The following GABRG3 variants were observed in gnomAD, a reference collection of about 807,000 sequenced individuals.
GABRG3 encodes the protein gamma-aminobutyric acid receptor subunit gamma-3.
GABRG3 carries 25 observed loss-of-function variants against 48.8 expected under a neutral mutation model. The ratio of observed to expected loss-of-function variants is 0.51; its 90% confidence interval spans 0.37 to 0.72. The LOEUF is 0.72. Ranked by LOEUF, GABRG3 falls within the 30% of genes least tolerant of loss-of-function variation. GABRG3 has a pLI of 0.00. For missense variants in GABRG3, 394 were observed against 577.9 expected, an observed-to-expected ratio of 0.68 and a Z score of 3.26; for synonymous variants, 227 against 217.6, an observed-to-expected ratio of 1.04 and a Z score of -0.38.
rs1253421081 is a variant in GABRG3 at position 26,976,774 on chromosome 15, T to C, written c.54-228T>C. 6.6e-6 allele frequency among the ~76,000 whole-genome samples: 1 copy of C among 152,172 alleles called. No individual in the cohort carries two copies. The highest frequency in any genetic ancestry group is 1.5e-5 in the Non-Finnish European group (1 of 68,020). ...GGGATGGGGGATGGTCTTCTGGCAT[T>C]TAATAAAAACATACCATGTTAATAG... On this transcript the variant is annotated intron_variant, in intron 1 of 9. Coordinates refer to ENST00000615808, the MANE Select transcript of GABRG3 (RefSeq NM_033223.5). This position sits in a 1 kb window ranked among gnomAD's most constrained non-coding sequence, Gnocchi z 7.8.
In GABRG3 at chr15:27,250,669, C is replaced by T. The variant is rs776563542; in HGVS notation, c.271-76140C>T. ...CCCGAACTCCTGACCTCAAGTGATC[C>T]GCCCACCTTGGCCTCCCAAAGTGCT... On this transcript the variant is annotated intron_variant, in intron 3 of 9. Transcript: ENST00000615808. 6.6e-5 allele frequency among the ~76,000 whole-genome samples: 10 copies of T among 152,306 alleles called. No homozygotes were observed. The East Asian group carries it at 9.7e-4, about 15-fold the overall frequency.
intron 9 of GABRG3, 31 bp from the exon 10 acceptor site, chr15:27,532,569 A>G (rs760997927): frequency 1.2e-6 from 2 of 1,605,178 alleles, no homozygotes; most frequent in South Asian, 2.2e-5. Flanking sequence ...GCATTTTACA[A>G]TGGTTGTTGT....
intron 6 of GABRG3, among the ~76,000 whole-genome samples, chr15:27,509,103 G>T (rs544466208): frequency 2.6e-5 from 4 of 152,090 alleles, no homozygotes; most frequent in African/African-American, 7.2e-5. Flanking sequence ...TTCACTGTGG[G>T]TTTACTTTTT....
At chr15:27,407,169 A>T (rs192428339) in intron 5 of GABRG3, among the ~76,000 whole-genome samples, 171 of 152,164 alleles carry the variant, frequency 1.1e-3, no homozygotes, top group African/African-American at 3.9e-3. Context: ...CAAGTGATCC[A>T]CCCAACTTGG....
At chr15:27,375,516 C>T (rs1895566030) in intron 5 of GABRG3, among the ~76,000 whole-genome samples, 1 of 152,148 alleles carries the variant, frequency 6.6e-6, no homozygotes, top group Non-Finnish European at 1.5e-5. Flanking sequence ...TTTTATGCTG[C>T]TGATAAAGAC....
At chr15:27,325,865 AATCAAAAAATTC>A (rs1893595650) in intron 3 of GABRG3, among the ~76,000 whole-genome samples, 2 of 152,218 alleles carry the variant, frequency 1.3e-5, no homozygotes, top group Non-Finnish European at 2.9e-5. Context: ...ATTTGTTGAG[AATCAAAAAATTC>A]AGACTCTGCA....
intron 5 of GABRG3, among the ~76,000 whole-genome samples, chr15:27,411,213 A>G (rs1259683542): frequency 2.0e-5 from 3 of 152,082 alleles, no homozygotes; most frequent in Non-Finnish European, 4.4e-5. Context: ...GTAGTTTTGG[A>G]CAAACACTCT....
intron 3 of GABRG3, among the ~76,000 whole-genome samples, chr15:27,144,618 A>AAAAGATGG (rs1595549555): frequency 6.6e-6 from 1 of 152,212 alleles, no homozygotes; most frequent in African/African-American, 2.4e-5. Context: ...GAGGCCTTTG[A>AAAAGATGG]AAAGATGGAA....
At chr15:27,403,914 C>CAAA (rs528760544) in intron 5 of GABRG3, among the ~76,000 whole-genome samples, 1 of 68,562 alleles carries the variant, frequency 1.5e-5, no homozygotes, top group East Asian at 3.0e-4. Context: ...CAAAAAAAAA[C>CAAA]AAAAAAAAAA....
intron 3 of GABRG3, among the ~76,000 whole-genome samples, chr15:27,260,407 G>C (rs1566983855): frequency 6.6e-6 from 1 of 152,160 alleles, no homozygotes; most frequent in Non-Finnish European, 1.5e-5. Context: ...TGGGGGCATA[G>C]GACTTCAGCG....
At chr15:27,021,794 G>A (rs1895900555) in intron 2 of GABRG3, among the ~76,000 whole-genome samples, 1 of 152,232 alleles carries the variant, frequency 6.6e-6, no homozygotes, top group African/African-American at 2.4e-5. Flanking sequence ...AGCGAGCCAT[G>A]ATTGCACCAC....
chr15:27,030,324 C>T (rs943530395), intron 3 of GABRG3, among the ~76,000 whole-genome samples: 4 of 152,134 alleles, frequency 2.6e-5, no homozygotes, highest in Non-Finnish European at 5.9e-5. Context: ...CACTTTCTGC[C>T]TTTTATTGAT....
rs570638312 is a variant in GABRG3, at chr15:27,083,704, A to G, written c.270+56883A>G. On this transcript the variant is annotated intron_variant, in intron 3 of 9. Coordinates refer to ENST00000615808, the MANE Select transcript of GABRG3 (RefSeq NM_033223.5). ...GCAATGGCCAAAAAACCATGGCCTCATGAAGGATGTTGAAATCTACATATG... is the reference window on the plus strand; with the variant it reads ...GCAATGGCCAAAAAACCATGGCCTCGTGAAGGATGTTGAAATCTACATATG... Among the ~76,000 whole-genome samples the G allele has an allele frequency of 5.3e-5, 8 of 152,276 alleles. No homozygotes were observed. In the East Asian group the frequency reaches 1.2e-3, roughly 22 times the overall value.
At chr15:26,999,709 G>A (rs1396429568) in intron 2 of GABRG3, among the ~76,000 whole-genome samples, 2 of 151,858 alleles carry the variant, frequency 1.3e-5, no homozygotes, top group African/African-American at 4.8e-5. Flanking sequence ...TATTTTTCTG[G>A]TTCTTCCATC....
In GABRG3 at chr15:26,974,884, T is replaced by C. The variant is rs187181856; in HGVS notation, c.54-2118T>C. On this transcript the variant is annotated intron_variant, in intron 1 of 9. Coordinates refer to ENST00000615808, the MANE Select transcript of GABRG3 (RefSeq NM_033223.5). This position sits in a 1 kb window ranked among gnomAD's most constrained non-coding sequence, Gnocchi z 4.3. ...TTATTATTATTATTATTATTATTATTATTATTTGAGATGGAGTCTCGCTCT... is the reference window on the plus strand; with the variant it reads ...TTATTATTATTATTATTATTATTATCATTATTTGAGATGGAGTCTCGCTCT... 8.5e-3 allele frequency among the ~76,000 whole-genome samples: 1,221 copies of C among 143,420 alleles called. 21 individuals carry two copies. Among genetic ancestry groups the C allele is most frequent in the African/African-American group, 0.03 (1,138 of 38,362 alleles). The allele number at this position is 143,420 out of a possible 152,430, so 94.1% of individuals were successfully genotyped here. A position where few individuals can be genotyped will look rare whatever the true frequency, so the allele number is the denominator to read the frequency against.
chr15:27,400,525 A>G (rs1158682896), intron 5 of GABRG3, among the ~76,000 whole-genome samples: 1 of 152,168 alleles, frequency 6.6e-6, no homozygotes, highest in Non-Finnish European at 1.5e-5. Flanking sequence ...TTCCATTCAC[A>G]TGTGGGTTTA....
intron 6 of GABRG3, among the ~76,000 whole-genome samples, chr15:27,495,920 A>G (rs182432398): frequency 6.6e-6 from 1 of 152,292 alleles, no homozygotes; most frequent in Admixed American, 6.5e-5. Context: ...TAGGCTCTGA[A>G]TCTTTCTAAA....
chr15:27,216,750 T>TATTTATTTA (rs58685578), intron 3 of GABRG3, among the ~76,000 whole-genome samples: 5,151 of 125,708 alleles, frequency 0.041, 128 homozygotes, highest in African/African-American at 0.059. Context: ...TTTTTTTATT[T>TATTTATTTA]TTTATTTATT....
intron 3 of GABRG3, among the ~76,000 whole-genome samples, chr15:27,048,869 C>T (rs1000878730): frequency 6.6e-6 from 1 of 152,214 alleles, no homozygotes; most frequent in East Asian, 1.9e-4. Flanking sequence ...CCCTCTCCTT[C>T]CTTCCTGCCC....
Sources: gnomAD v4.1 joint callset for allele counts (sites outside exome capture counted in the v4.1 genomes callset) on GRCh38, gnomAD v4.1.1 for gene constraint, Gnocchi (gnomAD v3.1) non-coding constraint, MANE v1.5 for transcripts, NCBI Gene and HGNC (gene_info 2026-07-23, HGNC 2026-07-21) for gene names.